SYT2: variants seen among roughly 807,000 people sequenced by gnomAD.
SYT2 encodes synaptotagmin 2.
In SYT2, 15 loss-of-function variants were observed where a neutral mutation model predicts 39.9. The ratio of observed to expected loss-of-function variants is 0.38; its 90% CI spans 0.25 to 0.58. SYT2 has a LOEUF of 0.58. Ranked by LOEUF, SYT2 falls within the 20% of genes least tolerant of loss-of-function variation. The probability of loss-of-function intolerance (pLI) is 0.70; values close to 1 mark genes in which losing one functional copy is unlikely to be tolerated. For synonymous variants in SYT2, 181 were observed against 204.5 expected (o/e 0.89, Z 0.98); for missense variants, 389 against 530.3 (o/e 0.73, Z 2.62).
At chr1:202,602,687 G>A (rs958433092) in intron 4 of SYT2, 142 bp from the exon 5 acceptor site, 7 of 843,788 alleles carry the variant, frequency 8.3e-6, no homozygotes, top group Non-Finnish European at 1.3e-5. Context: ...TGCTAGAGAG[G>A]AAGATTGGTC....
chr1:202,687,381 G>A lies in SYT2; in HGVS notation c.-18+22877C>T, dbSNP rs188946151. ...CTCCTGACATTGTCTTCATCTCTAC[G>A]TGAGTTACTCTCACTCTCTATCATG... On this transcript the variant is annotated intron_variant, in intron 1 of 8. Coordinates refer to ENST00000367268, the MANE Select transcript of SYT2 (RefSeq NM_177402.5). Among the ~76,000 whole-genome samples the A allele has an allele frequency of 1.5e-4, 23 of 152,190 alleles. No individual in the cohort carries two copies. The East Asian group carries it at 4.4e-3, about 29-fold the overall frequency.
chr1:202,670,270 C>G (rs1442287484), intron 1 of SYT2, among the ~76,000 whole-genome samples: 1 of 152,218 alleles, frequency 6.6e-6, no homozygotes, highest in Non-Finnish European at 1.5e-5. Context: ...TGAGAAGATA[C>G]TGTTACTCCT....
At chr1:202,615,884 C>T (rs1018209783) in intron 1 of SYT2, among the ~76,000 whole-genome samples, 13 of 152,190 alleles carry the variant, frequency 8.5e-5, no homozygotes, top group African/African-American at 1.9e-4. Context: ...ACAACTTGTT[C>T]GCAATTCCCC....
chr1:202,631,584 T>C (rs754873549), intron 1 of SYT2, among the ~76,000 whole-genome samples: 7 of 152,106 alleles, frequency 4.6e-5, no homozygotes, highest in Admixed American at 6.5e-5. Flanking sequence ...CCAGGCATGG[T>C]TCCTCATGAA....
At chr1:202,695,226 C>T (rs969717089) in intron 1 of SYT2, among the ~76,000 whole-genome samples, 28 of 152,292 alleles carry the variant, frequency 1.8e-4, no homozygotes, top group Admixed American at 1.8e-3. Context: ...CCCCTGCTCA[C>T]ACACACAGGG....
At position 202,620,572 on chromosome 1, in the gene SYT2, G is replaced by C. The variant is rs567970805; in HGVS notation, c.-17-14783C>G. 2.0e-5 allele frequency among the ~76,000 whole-genome samples: 3 copies of C among 152,098 alleles called. No individual in the cohort carries two copies. In the South Asian group the frequency reaches 6.2e-4, roughly 32 times the overall value. On this transcript the variant is annotated intron_variant, in intron 1 of 8. Transcript: ENST00000367268. ...AGAGAGCCTAGGGATACGCCGGGAT[G>C]GGGAGTGCAGGGGGAAGGGGCCACC...
At chr1:202,647,729 G>A (rs1002707480) in intron 1 of SYT2, among the ~76,000 whole-genome samples, 3 of 152,016 alleles carry the variant, frequency 2.0e-5, no homozygotes, top group Non-Finnish European at 4.4e-5. Flanking sequence ...TTCCAGAAAC[G>A]AAGCAACTAG....
intron 1 of SYT2, among the ~76,000 whole-genome samples, chr1:202,643,056 A>G (rs1243035556): frequency 6.6e-6 from 1 of 152,206 alleles, no homozygotes; most frequent in Non-Finnish European, 1.5e-5. Context: ...TCCGACGCCC[A>G]TGGATTTCCG....
At position 202,607,099 on chromosome 1, in the gene SYT2, C is replaced by T. The variant is rs141537213; in HGVS notation, c.-17-1310G>A. Among the ~76,000 whole-genome samples the T allele has an allele frequency of 6.7e-3, 1,019 of 152,220 alleles. 14 individuals carry two copies. Among genetic ancestry groups the T allele is most frequent in the African/African-American group, 0.024 (977 of 41,518 alleles). ...GTCTTCATTTAAGGCAATGTTCTTA[C>T]GAGCTTCCAAACTCTGCCCCCCATA... On this transcript the variant is annotated intron_variant, in intron 1 of 8. Coordinates refer to ENST00000367268, the MANE Select transcript of SYT2 (RefSeq NM_177402.5).
At position 202,668,432 on chromosome 1, in the gene SYT2, T is replaced by C. The variant is rs115425648; in HGVS notation, c.-18+41826A>G. Among the ~76,000 whole-genome samples the C allele has an allele frequency of 5.4e-3, 824 of 152,340 alleles. 8 individuals are homozygous for C. Among genetic ancestry groups the C allele is most frequent in the African/African-American group, 0.018 (767 of 41,574 alleles). ...AAATATAATCGAGATTATATTTTCA[T>C]TCTGTAGTTTGTTAAGAGTGAAAAC... On this transcript the variant is annotated intron_variant, in intron 1 of 8. Coordinates refer to ENST00000367268, the MANE Select transcript of SYT2 (RefSeq NM_177402.5).
At chr1:202,649,055 C>T (rs140298543) in intron 1 of SYT2, among the ~76,000 whole-genome samples, 10 of 152,364 alleles carry the variant, frequency 6.6e-5, no homozygotes, top group African/African-American at 2.4e-4. Flanking sequence ...ACTGTTCTCA[C>T]TCTCTCTTTG....
At position 202,632,501 on chromosome 1, in the gene SYT2, G is replaced by C. The variant is rs535285634; in HGVS notation, c.-17-26712C>G. 1.8e-4 allele frequency: 173 copies of C among 958,404 alleles called. No homozygotes were observed. In the African/African-American group the frequency reaches 2.7e-3, roughly 15 times the overall value. 59.4% of individuals were successfully genotyped at this position (958,404 alleles called of 1,614,324 possible). ...GTGGAAGAAAGGCTGCGTAGCCATC[G>C]CCGGATCTCTAGGTAAGCTTGGCGC... On this transcript the variant is annotated intron_variant, in intron 1 of 8. Coordinates refer to ENST00000367268, the MANE Select transcript of SYT2 (RefSeq NM_177402.5).
intron 1 of SYT2, chr1:202,630,311 G>A (rs144781731): frequency 3.2e-6 from 3 of 934,370 alleles, no homozygotes; most frequent in South Asian, 4.9e-5. Context: ...GCTTGACCAG[G>A]TGCTGGAGGA....
At position 202,604,527 on chromosome 1, in the gene SYT2, CTTCTTGCAGCAGCAT is replaced by C; in HGVS notation, c.258_272del (p.Cys87_Lys91del). ...TGCCCTTCTCCTTCTTGTTCTTCTT[CTTCTTGCAGCAGCAT>C]TTCTTGCAGATGCAGAAGCAGCAGG... On this transcript the variant is annotated inframe_deletion, in exon 3 of 9. Transcript: ENST00000367268. 1 of 1,614,192 alleles carries C rather than the reference CTTCTTGCAGCAGCAT, an allele frequency of 6.2e-7. No homozygotes were observed. The highest frequency in any genetic ancestry group is 8.5e-7 in the Non-Finnish European group (1 of 1,180,044).
intron 1 of SYT2, among the ~76,000 whole-genome samples, chr1:202,630,163 T>C (rs1342080014): frequency 6.6e-6 from 1 of 152,180 alleles, no homozygotes; most frequent in Non-Finnish European, 1.5e-5. Context: ...TCTGGGGAAT[T>C]TCTTTGGTGA....
chr1:202,695,931 C>T (rs913301260), intron 1 of SYT2, among the ~76,000 whole-genome samples: 3 of 152,218 alleles, frequency 2.0e-5, no homozygotes, highest in African/African-American at 2.4e-5. Flanking sequence ...ACCACGGTCC[C>T]GACTCTGGGC....
rs2149060894 is a variant in SYT2, at chr1:202,594,018, CAGGT to C, written c.*2735_*2738del. On this transcript the variant is annotated 3_prime_UTR_variant, in exon 9 of 9. Transcript: ENST00000367268. ...CTGTGGTTTAAGCTACGTCAGCCCT[CAGGT>C]ATGGAAAACACACAAGCAGAAGCAT... 1 of 152,322 alleles carries C rather than the reference CAGGT, an allele frequency of 6.6e-6. No individual in the cohort carries two copies. Among genetic ancestry groups the C allele is most frequent in the East Asian group, 1.9e-4 (1 of 5,162 alleles). 9.4% of individuals were successfully genotyped at this position (152,322 alleles called of 1,614,324 possible).
rs1329368694 is a variant in SYT2 at position 202,599,679 on chromosome 1, C to A, written c.920-328G>T. On this transcript the variant is annotated intron_variant, in intron 7 of 8. Coordinates refer to ENST00000367268, the MANE Select transcript of SYT2 (RefSeq NM_177402.5). The surrounding 1 kb of genome is among the most constrained non-coding windows in gnomAD (Gnocchi z 4.4). The stretch of plus-strand genomic sequence containing the variant: ...TGGGTGGGGAGTGCTGAAGTCAGGA[C>A]ACACATCTGCTGGGTCATAATCCCA... 6.6e-6 allele frequency among the ~76,000 whole-genome samples: 1 copy of A among 152,142 alleles called. No individual in the cohort carries two copies. The highest frequency in any genetic ancestry group is 2.4e-5 in the African/African-American group (1 of 41,436).
intron 1 of SYT2, among the ~76,000 whole-genome samples, chr1:202,700,455 AC>A (rs1180242856): frequency 6.6e-6 from 1 of 152,142 alleles, no homozygotes; most frequent in Non-Finnish European, 1.5e-5. Flanking sequence ...TTTATTGAGG[AC>A]CCTCCAAGAG....
Sources: allele counts gnomAD v4.1 joint callset (sites outside exome capture counted in the v4.1 genomes callset), GRCh38; gene constraint gnomAD v4.1.1; non-coding constraint Gnocchi (gnomAD v3.1); transcripts MANE v1.5; gene names NCBI Gene and HGNC (gene_info 2026-07-23, HGNC 2026-07-21).